PARD3B: variants seen among roughly 807,000 people sequenced by gnomAD.
The protein encoded by PARD3B is par-3 family cell polarity regulator beta.
Under a neutral mutation model 130.2 loss-of-function variants are expected in PARD3B, and 103 were observed. The observed-to-expected ratio is 0.79, with a 90% confidence interval of 0.67 to 0.93. The LOEUF is 0.93. PARD3B is among the 40% of genes least tolerant of loss of function. PARD3B has a pLI of 0.00. For synonymous variants in PARD3B, 583 were observed against 553.2 expected, an observed-to-expected ratio of 1.05 and a Z score of -0.76; for missense variants, 1,609 against 1,499.2, an observed-to-expected ratio of 1.07 and a Z score of -1.21.
chr2:204,886,558 A>G (rs1370310305), intron 2 of PARD3B, among the ~76,000 whole-genome samples: 1 of 152,226 alleles, frequency 6.6e-6, no homozygotes, highest in Non-Finnish European at 1.5e-5. Flanking sequence ...TAGGCTGAAT[A>G]CTAGTTTTTA....
At chr2:204,836,227 A>G (rs2044026338) in intron 2 of PARD3B, among the ~76,000 whole-genome samples, 1 of 152,204 alleles carries the variant, frequency 6.6e-6, no homozygotes, top group South Asian at 2.1e-4. Context: ...TTGTGGATTC[A>G]TTCTATAATG....
At position 205,617,469 on chromosome 2, in the gene PARD3B, CTCTTA is replaced by C. The variant is rs1412024731; in HGVS notation, c.*1661_*1665del. 6.6e-6 allele frequency: 1 copy of C among 152,174 alleles called. No homozygotes were observed. Among genetic ancestry groups the C allele is most frequent in the African/African-American group, 2.4e-5 (1 of 41,430 alleles). 9.4% of individuals were successfully genotyped at this position (152,174 alleles called of 1,614,324 possible). ...TAGGACATCCCTCTACCCCAGCTTA[CTCTTA>C]TCTTTTTAATTTAAAATAGTATTCT... On this transcript the variant is annotated 3_prime_UTR_variant, in exon 23 of 23. Transcript: ENST00000406610.
At chr2:204,663,182 A>G (rs1260460642) in intron 1 of PARD3B, among the ~76,000 whole-genome samples, 1 of 152,132 alleles carries the variant, frequency 6.6e-6, no homozygotes, top group African/African-American at 2.4e-5. Context: ...GGCTGGCCCT[A>G]CTTGTTGGGC....
At chr2:204,630,192 G>C (rs2034628286) in intron 1 of PARD3B, among the ~76,000 whole-genome samples, 1 of 152,064 alleles carries the variant, frequency 6.6e-6, no homozygotes, top group African/African-American at 2.4e-5. Flanking sequence ...GATCCAAACT[G>C]GTTTTTATTA....
chr2:205,150,100 G>A (rs1047501488), intron 10 of PARD3B, among the ~76,000 whole-genome samples: 19 of 152,130 alleles, frequency 1.2e-4, no homozygotes, highest in African/African-American at 4.6e-4. Context: ...TTCTGGGCCT[G>A]GCTCTGGGAA....
At chr2:204,608,020 C>G (rs916628072) in intron 1 of PARD3B, among the ~76,000 whole-genome samples, 4 of 152,112 alleles carry the variant, frequency 2.6e-5, no homozygotes, top group Non-Finnish European at 2.9e-5. Flanking sequence ...CAATGGGACC[C>G]TTAGTTTAGA....
At chr2:205,451,047 C>T (rs2048083584) in intron 20 of PARD3B, among the ~76,000 whole-genome samples, 1 of 152,194 alleles carries the variant, frequency 6.6e-6, no homozygotes. Context: ...AAGTCAGATC[C>T]TGTTTGACTG....
At chr2:204,736,164 AT>A (rs58674693) in intron 2 of PARD3B, among the ~76,000 whole-genome samples, 46,374 of 147,182 alleles carry the variant, frequency 0.32, 8,140 homozygotes, top group African/African-American at 0.5. Context: ...TATGAGTACT[AT>A]TTTTTTTTTT....
intron 21 of PARD3B, among the ~76,000 whole-genome samples, chr2:205,551,293 G>A (rs1333649744): frequency 6.6e-6 from 1 of 150,430 alleles, no homozygotes; most frequent in African/African-American, 2.4e-5. Context: ...ACACAAGAAA[G>A]CAAACCTTAG....
intron 3 of PARD3B, among the ~76,000 whole-genome samples, chr2:205,010,331 C>T (rs1359707687): frequency 2.0e-5 from 3 of 152,184 alleles, no homozygotes; most frequent in Non-Finnish European, 4.4e-5. Context: ...TCCTTGCAGC[C>T]TCTGTGCATG....
Position 205,618,870 on chromosome 2 carries a change from A to G in PARD3B, c.*3057A>G, listed in dbSNP as rs936402635. On this transcript the variant is annotated 3_prime_UTR_variant, in exon 23 of 23. Coordinates refer to ENST00000406610, the MANE Select transcript of PARD3B (RefSeq NM_001302769.2). The stretch of plus-strand genomic sequence containing the variant: ...ACAATATCAAATCAGTGGATGAAAT[A>G]CAAGCTCAGAAACAGGAACATTTTC... 2.0e-5 allele frequency: 3 copies of G among 152,236 alleles called. No individual in the cohort carries two copies. The highest frequency in any genetic ancestry group is 7.2e-5 in the African/African-American group (3 of 41,460). 9.4% of individuals were successfully genotyped at this position (152,236 alleles called of 1,614,324 possible). A position where few individuals can be genotyped will look rare whatever the true frequency, so the allele number is the denominator to read the frequency against.
intron 15 of PARD3B, among the ~76,000 whole-genome samples, chr2:205,194,481 CAT>C (rs1359833460): frequency 2.0e-5 from 3 of 152,164 alleles, no homozygotes; most frequent in Non-Finnish European, 4.4e-5. Context: ...GTGACAGTGA[CAT>C]AGGTTATTAC....
chr2:205,190,512 A>G (rs1402049418), intron 14 of PARD3B, among the ~76,000 whole-genome samples: 2 of 152,192 alleles, frequency 1.3e-5, no homozygotes, highest in Non-Finnish European at 2.9e-5. Flanking sequence ...CTAAAAGTGA[A>G]AGGCTTGATT....
At chr2:205,510,281 G>A (rs952956018) in intron 21 of PARD3B, among the ~76,000 whole-genome samples, 1 of 152,108 alleles carries the variant, frequency 6.6e-6, no homozygotes, top group Non-Finnish European at 1.5e-5. Flanking sequence ...TTTTTAAATG[G>A]TACACATATC....
intron 1 of PARD3B, among the ~76,000 whole-genome samples, chr2:204,633,402 T>G (rs566439236): frequency 1.3e-5 from 2 of 152,218 alleles, no homozygotes; most frequent in East Asian, 1.9e-4. Flanking sequence ...TATGTATCGC[T>G]AAAAGATGAG....
At position 205,325,844 on chromosome 2, in the gene PARD3B, A is replaced by G. The variant is rs1022140836; in HGVS notation, c.2630+24143A>G. 3.3e-5 allele frequency among the ~76,000 whole-genome samples: 5 copies of G among 152,240 alleles called. No individual in the cohort carries two copies. Among genetic ancestry groups the G allele is most frequent in the East Asian group, 1.9e-4 (1 of 5,206 alleles). On this transcript the variant is annotated intron_variant, in intron 18 of 22. Coordinates refer to ENST00000406610, the MANE Select transcript of PARD3B (RefSeq NM_001302769.2). The surrounding 1 kb of genome is among the most constrained non-coding windows in gnomAD (Gnocchi z 4.1). ...TACCTACAATTATCAGGGCAAATATATAGAAGGAACAAAATTGAAAAACAA... is the reference window on the plus strand; with the variant it reads ...TACCTACAATTATCAGGGCAAATATGTAGAAGGAACAAAATTGAAAAACAA...
intron 1 of PARD3B, among the ~76,000 whole-genome samples, chr2:204,611,139 G>T (rs1010371262): frequency 6.6e-6 from 1 of 152,108 alleles, no homozygotes; most frequent in African/African-American, 2.4e-5. Context: ...AGTCCTGTTA[G>T]GGGAGTGGTT....
At chr2:205,026,907 T>G (rs1433190751) in intron 3 of PARD3B, among the ~76,000 whole-genome samples, 6 of 152,144 alleles carry the variant, frequency 3.9e-5, no homozygotes, top group Admixed American at 6.6e-5. Flanking sequence ...CACACCACAT[T>G]TTCTTTATTA....
intron 4 of PARD3B, among the ~76,000 whole-genome samples, chr2:205,052,419 G>GTGTATATATATATATATA (rs1467760914): frequency 1.0e-4 from 4 of 39,764 alleles, no homozygotes; most frequent in African/African-American, 3.7e-4. Context: ...ATATATATAT[G>GTGTATATATATATATATA]TATATATATA....
Sources: allele counts gnomAD v4.1 joint callset (sites outside exome capture counted in the v4.1 genomes callset), GRCh38; gene constraint gnomAD v4.1.1; non-coding constraint Gnocchi (gnomAD v3.1); transcripts MANE v1.5; gene names NCBI Gene and HGNC (gene_info 2026-07-23, HGNC 2026-07-21).